Variants in AKAP11 observed in about 807,000 individuals in gnomAD.
The protein encoded by AKAP11 is A-kinase anchor protein 11.
AKAP11 carries 36 observed loss-of-function variants against 146.1 expected under a neutral mutation model. The ratio of observed to expected loss-of-function variants is 0.25; its 90% CI spans 0.19 to 0.33. The LOEUF is 0.33. Among genes scored for constraint, AKAP11 ranks in the 10% least tolerant of loss-of-function variants. AKAP11 has a pLI of 1.00. For missense variants in AKAP11, 2,201 were observed against 2,197.0 expected (o/e 1.00, Z -0.04); for synonymous variants, 780 against 786.5 (o/e 0.99, Z 0.14).
At chr13:42,280,010 A>G (rs920474797) in intron 1 of AKAP11, among the ~76,000 whole-genome samples, 5 of 152,184 alleles carry the variant, frequency 3.3e-5, no homozygotes, top group Admixed American at 6.5e-5. Context: ...AGGTTTTTCT[A>G]TTCTGGTGGA....
chr13:42,305,681 G>C (rs1374063422), intron 8 of AKAP11, among the ~76,000 whole-genome samples: 1 of 152,180 alleles, frequency 6.6e-6, no homozygotes, highest in South Asian at 2.1e-4. Flanking sequence ...TGGCAGAGTT[G>C]AGTAGTTGGG....
rs1308141878 is a variant in AKAP11, at chr13:42,319,247, A to G, written c.*19A>G. 2.5e-6 allele frequency: 4 copies of G among 1,605,092 alleles called. No homozygotes were observed. Among genetic ancestry groups the G allele is most frequent in the Non-Finnish European group, 2.5e-6 (3 of 1,176,782 alleles). On this transcript the variant is annotated 3_prime_UTR_variant, in exon 13 of 13. Coordinates refer to ENST00000025301, the MANE Select transcript of AKAP11 (RefSeq NM_016248.4). ...TGCATAGAGCAAACCCCAAACCAGT[A>G]TATTTTAGTATTTGTTTGGGGAGGG...
intron 8 of AKAP11, among the ~76,000 whole-genome samples, chr13:42,304,097 G>T (rs944392989): frequency 6.6e-6 from 1 of 152,112 alleles, no homozygotes; most frequent in African/African-American, 2.4e-5. Context: ...GAAAATGAGG[G>T]TTGGAGAAAA....
In AKAP11 at chr13:42,302,374, G is replaced by C; in HGVS notation, c.3628G>C (p.Ala1210Pro). Residue 1210 changes from alanine to proline, a missense_variant, in exon 8 of 13, where the codon GCA (alanine) becomes CCA (proline). Physicochemically the swap from Ala to Pro is conservative, Grantham distance 27. This residue lies in a region of AKAP11 where 1,867 missense variants were observed against 1,833.5 expected (regional missense o/e 1.02). Transcript: ENST00000025301. ...EALATHILSL[A>P]TEMAASHLDN... ...ATTAGCTACACACATCCTTTCTCTT[G>C]CAACTGAAATGGCAGCTTCCCATTT... 6.2e-7 allele frequency: 1 copy of C among 1,614,116 alleles called. No individual in the cohort carries two copies. Among genetic ancestry groups the C allele is most frequent in the South Asian group, 1.1e-5 (1 of 91,070 alleles).
In AKAP11 at chr13:42,303,632, A is replaced by C; in HGVS notation, c.4886A>C (p.Lys1629Thr). ...CCAAAATTTAGCAGCCGCTATCAGA[A>C]ATCTAGGATTTTTCATCTCAGTGTC... Reference protein sequence around the residue: ...SNPKFSSRYQKSRIFHLSVPQ... With the variant: ...SNPKFSSRYQTSRIFHLSVPQ... The change falls in exon 8 of 13, where the codon AAA becomes ACA. Residue 1629 changes from lysine (K) to threonine (T), a missense_variant. Physicochemically the swap from Lys to Thr is moderately conservative, Grantham distance 78. Transcript: ENST00000025301. 1 of 1,614,178 alleles carries C rather than the reference A, an allele frequency of 6.2e-7. No individual in the cohort carries two copies. The highest frequency in any genetic ancestry group is 8.5e-7 in the Non-Finnish European group (1 of 1,180,006).
intron 3 of AKAP11, among the ~76,000 whole-genome samples, chr13:42,290,386 A>G (rs921881900): frequency 6.6e-6 from 1 of 152,256 alleles, no homozygotes; most frequent in African/African-American, 2.4e-5. Context: ...AATAACCACC[A>G]GATATCTCCA....
In AKAP11 at chr13:42,320,394, C is replaced by G. The variant is rs1961035971; in HGVS notation, c.*1166C>G. ...CACGATCTTTCTGGGCTCTACATTT[C>G]CTACTAGTTTGTGTCCAGAAACTGC... On this transcript the variant is annotated 3_prime_UTR_variant, in exon 13 of 13. Transcript: ENST00000025301. 1 of 136,458 alleles carries G rather than the reference C, an allele frequency of 7.3e-6. No homozygotes were observed. The highest frequency in any genetic ancestry group is 2.8e-5 in the African/African-American group (1 of 36,322). 8.5% of individuals were successfully genotyped at this position (136,458 alleles called of 1,614,324 possible).
intron 3 of AKAP11, among the ~76,000 whole-genome samples, chr13:42,289,382 C>T (rs1288812370): frequency 1.3e-5 from 2 of 152,176 alleles, no homozygotes; most frequent in Admixed American, 1.3e-4. Flanking sequence ...TATTTCCCCA[C>T]ATTAATTCAC....
intron 11 of AKAP11, among the ~76,000 whole-genome samples, chr13:42,315,076 T>C (rs1960756283): frequency 6.6e-6 from 1 of 152,192 alleles, no homozygotes; most frequent in Non-Finnish European, 1.5e-5. Context: ...ATATTTGTTT[T>C]TGAACTAGTG....
chr13:42,318,873 T>G (rs566033873), intron 12 of AKAP11, among the ~76,000 whole-genome samples: 4 of 152,176 alleles, frequency 2.6e-5, no homozygotes, highest in Admixed American at 1.3e-4. Flanking sequence ...AGTGTCATTC[T>G]CTGGAGGAGA....
intron 3 of AKAP11, among the ~76,000 whole-genome samples, chr13:42,287,257 A>G (rs1171847230): frequency 6.6e-6 from 1 of 152,168 alleles, no homozygotes; most frequent in African/African-American, 2.4e-5. Flanking sequence ...CAAAATAGAA[A>G]GTAAACTTAT....
intron 10 of AKAP11, 78 bp from the exon 11 acceptor site, chr13:42,313,813 TACC>T (rs1836738271): frequency 2.5e-6 from 3 of 1,203,424 alleles, no homozygotes; most frequent in East Asian, 2.4e-5. Context: ...ATTCATTCAT[TACC>T]ACATTTTTAA....
chr13:42,283,971 G>C (rs1959114209), intron 1 of AKAP11, among the ~76,000 whole-genome samples: 1 of 152,138 alleles, frequency 6.6e-6, no homozygotes, highest in Non-Finnish European at 1.5e-5. Flanking sequence ...TAATGAACCA[G>C]ACTATAAAAC....
intron 4 of AKAP11, among the ~76,000 whole-genome samples, chr13:42,292,900 T>A (rs1027562823): frequency 1.3e-5 from 2 of 152,204 alleles, no homozygotes; most frequent in Non-Finnish European, 2.9e-5. Flanking sequence ...TTAAATTCAG[T>A]GCTTTGATTA....
chr13:42,300,756 G>A lies in AKAP11; in HGVS notation c.2010G>A (p.Thr670=), dbSNP rs756215941. Residue 670 remains threonine, a synonymous_variant, in exon 8 of 13, where the codon ACG becomes ACA. Transcript: ENST00000025301. ...MEVCQFSYPQ[T]PASPQCGSFD... Reference sequence around the variant, plus strand: ...TGTGTCAGTTTTCATATCCTCAAACGCCTGCATCTCCACAGTGTGGGTCGT... The same window carrying A: ...TGTGTCAGTTTTCATATCCTCAAACACCTGCATCTCCACAGTGTGGGTCGT... 12 of 1,613,894 alleles carry A rather than the reference G, an allele frequency of 7.4e-6. No individual in the cohort carries two copies. The highest frequency in any genetic ancestry group is 4.5e-5 in the East Asian group (2 of 44,902).
chr13:42,277,275 A>G (rs147548894), intron 1 of AKAP11, among the ~76,000 whole-genome samples: 639 of 152,350 alleles, frequency 4.2e-3, no homozygotes, highest in Admixed American at 0.011. Flanking sequence ...AACTGTATTC[A>G]AATGTAGGTC....
At chr13:42,313,812 T>A in intron 10 of AKAP11, 82 bp from the exon 11 acceptor site, 1 of 1,195,426 alleles carries the variant, frequency 8.4e-7, no homozygotes, top group South Asian at 1.3e-5. Context: ...CATTCATTCA[T>A]TACCACATTT....
intron 1 of AKAP11, among the ~76,000 whole-genome samples, chr13:42,285,430 A>T (rs1045018181): frequency 5.3e-5 from 8 of 152,306 alleles, no homozygotes; most frequent in Admixed American, 6.5e-5. Context: ...TTGACTTTTT[A>T]AAAAAAGTAT....
At chr13:42,316,199 A>G (rs1196202386) in intron 11 of AKAP11, among the ~76,000 whole-genome samples, 1 of 152,184 alleles carries the variant, frequency 6.6e-6, no homozygotes, top group Non-Finnish European at 1.5e-5. Context: ...AAAATTAGGG[A>G]CCAACACAAC....
Sources: allele counts gnomAD v4.1 joint callset (sites outside exome capture counted in the v4.1 genomes callset), GRCh38; gene constraint gnomAD v4.1.1; regional missense constraint gnomAD v4.1.1; transcripts MANE v1.5; gene names NCBI Gene and HGNC (gene_info 2026-07-23, HGNC 2026-07-21).